Variants in GALNT10 observed in about 807,000 individuals in gnomAD.
GALNT10 encodes GalNAc transferase 10.
Under a neutral mutation model 75.0 loss-of-function variants are expected in GALNT10, and 41 were observed. The ratio of observed to expected loss-of-function variants is 0.55; its 90% CI spans 0.43 to 0.71. GALNT10 has a LOEUF of 0.71. Among genes scored for constraint, GALNT10 ranks in the 30% least tolerant of loss-of-function variants. The pLI is 0.00. For missense variants in GALNT10, 727 were observed against 818.5 expected (o/e 0.89, Z 1.36); for synonymous variants, 302 against 313.0 (o/e 0.96, Z 0.37).
intron 3 of GALNT10, among the ~76,000 whole-genome samples, chr5:154,309,123 T>C (rs1452719438): frequency 2.0e-5 from 3 of 152,172 alleles, no homozygotes; most frequent in Non-Finnish European, 2.9e-5. Flanking sequence ...GGAAGTGCTG[T>C]CAGATAAGAT....
At chr5:154,357,289 A>C (rs1268621188) in intron 4 of GALNT10, among the ~76,000 whole-genome samples, 1 of 152,232 alleles carries the variant, frequency 6.6e-6, no homozygotes, top group Non-Finnish European at 1.5e-5. Context: ...ATCTGGGCCC[A>C]TTCCTATGAA....
chr5:154,360,450 TAA>T (rs11308900), intron 4 of GALNT10, among the ~76,000 whole-genome samples: 4,971 of 133,688 alleles, frequency 0.037, 117 homozygotes, highest in Middle Eastern at 0.07. Flanking sequence ...AAACTCCATC[TAA>T]AAAAAAAAAA....
intron 1 of GALNT10, among the ~76,000 whole-genome samples, chr5:154,196,851 G>T (rs893787085): frequency 6.6e-6 from 1 of 152,202 alleles, no homozygotes; most frequent in South Asian, 2.1e-4. Context: ...AAGAAGAGCA[G>T]TTCCCCAGAG....
Position 154,409,018 on chromosome 5 carries a change from C to T in GALNT10, c.1165-523C>T, listed in dbSNP as rs1204457261. On this transcript the variant is annotated intron_variant, in intron 8 of 11. Coordinates refer to ENST00000297107, the MANE Select transcript of GALNT10 (RefSeq NM_198321.4). This position sits in a 1 kb window ranked among gnomAD's most constrained non-coding sequence, Gnocchi z 4.5. ...TGTCTCTCCTTGGAGGCCATATGGC[C>T]CAGCAGCTCTGGCTGGCATCCTGTC... is the stretch of plus-strand genomic sequence containing the variant. 6.6e-6 allele frequency among the ~76,000 whole-genome samples: 1 copy of T among 152,042 alleles called. No homozygotes were observed. Among genetic ancestry groups the T allele is most frequent in the African/African-American group, 2.4e-5 (1 of 41,400 alleles).
rs181553387 is a variant in GALNT10, at chr5:154,402,230, A to G, written c.1057-1874A>G. 4.4e-4 allele frequency among the ~76,000 whole-genome samples: 66 copies of G among 149,588 alleles called. 1 individual carries two copies. The East Asian group carries it at 0.011, about 26-fold the overall frequency. On this transcript the variant is annotated intron_variant, in intron 7 of 11. Coordinates refer to ENST00000297107, the MANE Select transcript of GALNT10 (RefSeq NM_198321.4). This position sits in a 1 kb window ranked among gnomAD's most constrained non-coding sequence, Gnocchi z 4.2. ...GCCCGCGTCTCTGGCCTCCCCTCCC[A>G]TCCCTCTTCCCCTTTCTCCCTCTGC...
chr5:154,273,369 C>T (rs748324504), intron 1 of GALNT10, among the ~76,000 whole-genome samples: 3 of 152,120 alleles, frequency 2.0e-5, no homozygotes, highest in East Asian at 3.8e-4. Flanking sequence ...ATGAAAAAGA[C>T]GTGTAAGCTT....
chr5:154,214,205 A>T (rs1752829676), intron 1 of GALNT10, among the ~76,000 whole-genome samples: 1 of 152,060 alleles, frequency 6.6e-6, no homozygotes, highest in African/African-American at 2.4e-5. Flanking sequence ...AATTCTGAGG[A>T]CCAAAACAGC....
At chr5:154,390,735 G>A (rs201908024) in intron 7 of GALNT10, among the ~76,000 whole-genome samples, 2 of 152,282 alleles carry the variant, frequency 1.3e-5, no homozygotes, top group East Asian at 3.9e-4. Flanking sequence ...ACAGTGAATG[G>A]AGAAAGATTT....
intron 1 of GALNT10, among the ~76,000 whole-genome samples, chr5:154,271,899 A>G (rs17552639): frequency 0.18 from 26,944 of 152,118 alleles, 2,545 homozygotes; most frequent in African/African-American, 0.21. Context: ...TTCCTGCATA[A>G]TTTTTTAAAG....
In GALNT10 at chr5:154,380,636, G is replaced by C; in HGVS notation, c.938+5G>C. The C allele has an allele frequency of 1.9e-6, 3 of 1,606,190 alleles. No individual in the cohort carries two copies. The highest frequency in any genetic ancestry group is 2.6e-6 in the Non-Finnish European group (3 of 1,173,926). ...TGACCCCAGCGACCCATTTGAGTAAGTATGAACAACCCTGGCTGGTCCCAG... is the reference window on the plus strand; with the variant it reads ...TGACCCCAGCGACCCATTTGAGTAACTATGAACAACCCTGGCTGGTCCCAG... On this transcript the variant is annotated splice_donor_5th_base_variant and intron_variant, in intron 6 of 11. Transcript: ENST00000297107.
At chr5:154,313,031 G>A (rs1013999692) in intron 3 of GALNT10, among the ~76,000 whole-genome samples, 2 of 152,178 alleles carry the variant, frequency 1.3e-5, no homozygotes, top group Non-Finnish European at 2.9e-5. Flanking sequence ...TTGTTAGGCT[G>A]GGTGCGGTGG....
chr5:154,293,641 T>C (rs956270995), intron 1 of GALNT10, among the ~76,000 whole-genome samples: 2 of 149,904 alleles, frequency 1.3e-5, no homozygotes, highest in African/African-American at 2.5e-5. Context: ...GCCATTCAAT[T>C]GCTTCTTCAT....
chr5:154,202,718 C>T (rs531639366), intron 1 of GALNT10, among the ~76,000 whole-genome samples: 7 of 152,334 alleles, frequency 4.6e-5, no homozygotes, highest in Non-Finnish European at 7.3e-5. Flanking sequence ...TCTTGGCACA[C>T]GAGCAGAGTC....
At chr5:154,396,960 C>T (rs1756029350) in intron 7 of GALNT10, among the ~76,000 whole-genome samples, 1 of 151,868 alleles carries the variant, frequency 6.6e-6, no homozygotes, top group African/African-American at 2.4e-5. Flanking sequence ...AAACCTGTCT[C>T]TACTAAAAAT....
At chr5:154,214,951 T>G (rs2113650728) in intron 1 of GALNT10, among the ~76,000 whole-genome samples, 1 of 152,344 alleles carries the variant, frequency 6.6e-6, no homozygotes. Flanking sequence ...GTTGCAGGGC[T>G]GTGGCAATGA....
intron 1 of GALNT10, among the ~76,000 whole-genome samples, chr5:154,279,313 T>G (rs1754003435): frequency 1.3e-5 from 2 of 150,744 alleles, no homozygotes; most frequent in South Asian, 2.1e-4. Flanking sequence ...TGTTTTTTTT[T>G]TTTTTTTGAG....
rs190632058 is a variant in GALNT10, at chr5:154,250,356, A to G, written c.160-44460A>G. Among the ~76,000 whole-genome samples, 65 of 152,324 alleles carry G rather than the reference A, an allele frequency of 4.3e-4. 1 individual carries two copies. In the East Asian group the frequency reaches 0.012, roughly 28 times the overall value. ...GCCCATGCATCATTTTGGCTGCTTC[A>G]GCTGCAAGTGATGGAAGACCCAGCT... On this transcript the variant is annotated intron_variant, in intron 1 of 11. Transcript: ENST00000297107.
At position 154,190,996 on chromosome 5, in the gene GALNT10, G is replaced by C. The variant is rs770677796; in HGVS notation, c.130G>C (p.Gly44Arg). The change falls in exon 1 of 12, where the codon GGG becomes CGG. Residue 44 changes from glycine to arginine, a missense_variant. Coordinates refer to ENST00000297107, the MANE Select transcript of GALNT10 (RefSeq NM_198321.4). ...RQPDGTPGGS[G>R]AAVAPAAGQG... is the part of the protein sequence containing the mutation. ...GCCCGACGGCACCCCTGGGGGATCG[G>C]GGGCGGCGGTGGCGCCGGCGGCGGG... 2 of 1,489,984 alleles carry C rather than the reference G, an allele frequency of 1.3e-6. No individual in the cohort carries two copies. 92.3% of individuals were successfully genotyped at this position (1,489,984 alleles called of 1,614,324 possible).
chr5:154,382,851 C>G (rs1385148817), intron 6 of GALNT10, among the ~76,000 whole-genome samples: 1 of 152,228 alleles, frequency 6.6e-6, no homozygotes, highest in African/African-American at 2.4e-5. Flanking sequence ...CCAGGTCATA[C>G]AGCTGGCTAG....
Sources: gnomAD v4.1 joint callset for allele counts (sites outside exome capture counted in the v4.1 genomes callset) on GRCh38, gnomAD v4.1.1 for gene constraint, Gnocchi (gnomAD v3.1) non-coding constraint, MANE v1.5 for transcripts, NCBI Gene and HGNC (gene_info 2026-07-23, HGNC 2026-07-21) for gene names.